The following AP5M1 variants were observed in gnomAD, a reference collection of about 807,000 sequenced individuals.
The protein encoded by AP5M1 is adaptor related protein complex 5 subunit mu 1, also known as AP-5 complex subunit mu-1.
In AP5M1, 44 loss-of-function variants were observed where a neutral mutation model predicts 52.3. The observed-to-expected ratio is 0.84, with a 90% confidence interval of 0.66 to 1.08. AP5M1 has a LOEUF of 1.08. Among genes scored for constraint, AP5M1 ranks in the 50% least tolerant of loss-of-function variants. AP5M1 has a pLI of 0.00. For missense variants in AP5M1, 526 were observed against 568.4 expected (o/e 0.93, Z 0.76); for synonymous variants, 213 against 199.0 (o/e 1.07, Z -0.59).
chr14:57,278,514 C>A (rs963298155), intron 2 of AP5M1: 2 of 152,114 alleles, frequency 1.3e-5, no homozygotes, highest in African/African-American at 2.4e-5. Flanking sequence ...TTCCTTTTTT[C>A]TTTTCCCTTG....
rs1885142838 is a variant in AP5M1, at chr14:57,280,382, C to T, written c.908C>T (p.Pro303Leu). 6.2e-7 allele frequency: 1 copy of T among 1,613,736 alleles called. No homozygotes were observed. The highest frequency in any genetic ancestry group is 8.5e-7 in the Non-Finnish European group (1 of 1,179,636). The change falls in exon 3 of 8, where the codon CCA becomes CTA. Residue 303 changes from proline to leucine, a missense_variant. Around this residue, in one of 3 missense-constraint regions of AP5M1, gnomAD observed 425 missense variants for 430.6 expected, o/e 0.99. Transcript: ENST00000261558. ...GGGCCTTACAAATTTCCATTCACTC[C>T]ACCTTTAGAGTCATTCAACTTATGC... is the stretch of plus-strand genomic sequence containing the variant. ...FSGPYKFPFT[P>L]PLESFNLCFY...
At chr14:57,277,174 G>A (rs1259209853) in intron 2 of AP5M1, among the ~76,000 whole-genome samples, 1 of 150,578 alleles carries the variant, frequency 6.6e-6, no homozygotes, top group African/African-American at 2.5e-5. Flanking sequence ...CTAAAGTTGG[G>A]TTACATATGC....
rs1885377639 is a variant in AP5M1 at position 57,289,015 on chromosome 14, T to C, written c.*131T>C. 5 of 563,792 alleles carry C rather than the reference T, an allele frequency of 8.9e-6. No homozygotes were observed. In the East Asian group the frequency reaches 1.4e-4, roughly 15 times the overall value. 34.9% of individuals were successfully genotyped at this position (563,792 alleles called of 1,614,324 possible). On this transcript the variant is annotated 3_prime_UTR_variant, in exon 8 of 8. Transcript: ENST00000261558. ...AATGATTTAATTGTAAAAGTAGTCT[T>C]ATGTGGTGTTTGTAGTCTGATAGAG...
chr14:57,279,576 GCTGGGCTTAATAC>G lies in AP5M1; in HGVS notation c.721-616_721-604del, dbSNP rs370112063. Among the ~76,000 whole-genome samples, 545 of 152,254 alleles carry G rather than the reference GCTGGGCTTAATAC, an allele frequency of 3.6e-3. 4 individuals are homozygous for G. The highest frequency in any genetic ancestry group is 0.014 in the Admixed American group (221 of 15,292). On this transcript the variant is annotated intron_variant, in intron 2 of 7. Coordinates refer to ENST00000261558, the MANE Select transcript of AP5M1 (RefSeq NM_018229.4). ...GCATCAGGAAGAATAGCAAATGGAT[GCTGGGCTTAATAC>G]CTACGTGATGGGATGATCTGTGCAG... is the stretch of plus-strand genomic sequence containing the variant.
chr14:57,280,061 C>T, intron 2 of AP5M1, 134 bp from the exon 3 acceptor site: 1 of 713,580 alleles, frequency 1.4e-6, no homozygotes, highest in Non-Finnish European at 2.4e-6. Flanking sequence ...TTAATAAGAA[C>T]ACAGAAAGCA....
At chr14:57,283,547 C>A (rs1278916969) in intron 6 of AP5M1, among the ~76,000 whole-genome samples, 2 of 152,158 alleles carry the variant, frequency 1.3e-5, no homozygotes, top group African/African-American at 2.4e-5. Context: ...TAAATTGTGC[C>A]ACTGCACTGC....
chr14:57,272,595 G>A (rs899255014), intron 1 of AP5M1, among the ~76,000 whole-genome samples: 1 of 152,074 alleles, frequency 6.6e-6, no homozygotes, highest in Non-Finnish European at 1.5e-5. Flanking sequence ...ACACATATTG[G>A]GGTGTTGTGT....
rs537406431 is a variant in AP5M1 at position 57,290,234 on chromosome 14, C to G, written c.*1350C>G. On this transcript the variant is annotated 3_prime_UTR_variant, in exon 8 of 8. Transcript: ENST00000261558. ...TTAAGGTCAGTCCTACTCATAAACT[C>G]ATTTTCTGCAAAGCATTATCATGGC... 3 of 152,034 alleles carry G rather than the reference C, an allele frequency of 2.0e-5. No homozygotes were observed. In the East Asian group the frequency reaches 5.8e-4, roughly 29 times the overall value. The allele number at this position is 152,034 out of a possible 1,614,324, so 9.4% of individuals were successfully genotyped here.
rs1470219128 is a variant in AP5M1, at chr14:57,283,230, G to A, written c.1293G>A (p.Lys431=). 1.9e-6 allele frequency: 3 copies of A among 1,583,968 alleles called. No individual in the cohort carries two copies. The highest frequency in any genetic ancestry group is 2.6e-6 in the Non-Finnish European group (3 of 1,155,202). The change falls in exon 6 of 8, where the codon AAG becomes AAA. Residue 431 remains lysine, a splice_region_variant and synonymous_variant. Coordinates refer to ENST00000261558, the MANE Select transcript of AP5M1 (RefSeq NM_018229.4). ...PICTGETAYL[K]LHFRILDYTL... ...GTACTGGAGAAACAGCATATTTAAA[G>A]GTAAACATATTTATACAGCTCACTA...
rs1014231223 is a variant in AP5M1, at chr14:57,286,102, T to C, written c.1294-121T>C. On this transcript the variant is annotated intron_variant, in intron 6 of 7. Coordinates refer to ENST00000261558, the MANE Select transcript of AP5M1 (RefSeq NM_018229.4). ...ACACACAATTCAAGTTTAGTACTTG[T>C]GGTTTTTATTTTGTGAACTGTGTAA... 1.2e-5 allele frequency: 8 copies of C among 656,094 alleles called. No homozygotes were observed. The African/African-American group carries it at 1.3e-4, about 10-fold the overall frequency. 40.6% of individuals were successfully genotyped at this position (656,094 alleles called of 1,614,324 possible). A position where few individuals can be genotyped will look rare whatever the true frequency, so the allele number is the denominator to read the frequency against.
At chr14:57,276,854 T>C (rs942912397) in intron 2 of AP5M1, among the ~76,000 whole-genome samples, 3 of 152,196 alleles carry the variant, frequency 2.0e-5, no homozygotes, top group Non-Finnish European at 4.4e-5. Flanking sequence ...ACCTACATAC[T>C]AAATGTTTCT....
Position 57,276,351 on chromosome 14 carries a change from G to GA in AP5M1, c.720+1464dup, listed in dbSNP as rs545360520. Among the ~76,000 whole-genome samples the GA allele has an allele frequency of 3.2e-4, 49 of 152,232 alleles. 1 individual carries two copies. Among genetic ancestry groups the GA allele is most frequent in the African/African-American group, 6.0e-4 (25 of 41,540 alleles). On this transcript the variant is annotated intron_variant, in intron 2 of 7. Transcript: ENST00000261558. ...AGCACTTTCAGAGGCCAAGGCGGGC[G>GA]AATCACTTGAGGCCAGGAGTTTGAG...
chr14:57,280,108 G>A (rs1385499548), intron 2 of AP5M1, 87 bp from the exon 3 acceptor site: 4 of 937,952 alleles, frequency 4.3e-6, no homozygotes, highest in Non-Finnish European at 6.8e-6. Flanking sequence ...AGTTAATTGG[G>A]GAAAATGACT....
chr14:57,274,097 G>T, intron 1 of AP5M1, 147 bp from the exon 2 acceptor site: 1 of 837,340 alleles, frequency 1.2e-6, no homozygotes, highest in Non-Finnish European at 1.8e-6. Context: ...TTTGGTTGTT[G>T]GCTTTTGTGG....
rs147663199 is a variant in AP5M1, at chr14:57,272,683, C to G, written c.75-1561C>G. ...AGAACTTTAATTACCCTCTGGAAAA[C>G]TAGATAATAAGAGATTGGACTAGAG... On this transcript the variant is annotated intron_variant, in intron 1 of 7. Transcript: ENST00000261558. Among the ~76,000 whole-genome samples the G allele has an allele frequency of 9.9e-5, 15 of 152,204 alleles. No individual in the cohort carries two copies. The East Asian group carries it at 2.7e-3, about 27-fold the overall frequency.
At chr14:57,269,992 TAG>T (rs1884844620) in intron 1 of AP5M1, among the ~76,000 whole-genome samples, 1 of 152,030 alleles carries the variant, frequency 6.6e-6, no homozygotes, top group Admixed American at 6.5e-5. Flanking sequence ...GTATTTTTGG[TAG>T]AGAGGGGGTT....
In AP5M1 at chr14:57,274,523, T is replaced by C; in HGVS notation, c.354T>C (p.Pro118=). 6.2e-7 allele frequency: 1 copy of C among 1,614,194 alleles called. No homozygotes were observed. Among genetic ancestry groups the C allele is most frequent in the South Asian group, 1.1e-5 (1 of 91,082 alleles). ...CVPLVEQTLS[P]RPPLISVSGV... ...CACTAGTTGAACAAACTCTGTCCCCTCGTCCGCCACTAATTAGTGTCAGTG... is the reference window on the plus strand; with the variant it reads ...CACTAGTTGAACAAACTCTGTCCCCCCGTCCGCCACTAATTAGTGTCAGTG... Residue 118 remains proline, a synonymous_variant, in exon 2 of 8, where the codon CCT becomes CCC. Transcript: ENST00000261558.
At position 57,274,510 on chromosome 14, in the gene AP5M1, A is replaced by G. The variant is rs778139259; in HGVS notation, c.341A>G (p.Gln114Arg). The part of the protein sequence containing the change: ...MIYACVPLVE[Q>R]TLSPRPPLIS... ...TATGCTTGTGTTCCACTAGTTGAAC[A>G]AACTCTGTCCCCTCGTCCGCCACTA... Residue 114 changes from glutamine (Q) to arginine (R), a missense_variant, in exon 2 of 8, where the codon CAA (glutamine) becomes CGA (arginine). Coordinates refer to ENST00000261558, the MANE Select transcript of AP5M1 (RefSeq NM_018229.4). 1 of 1,614,222 alleles carries G rather than the reference A, an allele frequency of 6.2e-7. No individual in the cohort carries two copies. The highest frequency in any genetic ancestry group is 8.5e-7 in the Non-Finnish European group (1 of 1,180,042).
intron 1 of AP5M1, among the ~76,000 whole-genome samples, chr14:57,272,381 T>A (rs1205711995): frequency 2.6e-5 from 4 of 152,238 alleles, no homozygotes; most frequent in African/African-American, 9.6e-5. Context: ...TCTATCTAAG[T>A]ACTTATTTCC....
Sources: gnomAD v4.1 joint callset for allele counts (sites outside exome capture counted in the v4.1 genomes callset) on GRCh38, gnomAD v4.1.1 for gene constraint, gnomAD v4.1.1 regional missense constraint, MANE v1.5 for transcripts, NCBI Gene and HGNC (gene_info 2026-07-23, HGNC 2026-07-21) for gene names.